The following DLG2 variants were observed in gnomAD, a reference collection of about 807,000 sequenced individuals.
DLG2 encodes discs large MAGUK scaffold protein 2.
Under a neutral mutation model 132.5 loss-of-function variants are expected in DLG2, and 45 were observed. The ratio of observed to expected loss-of-function variants is 0.34; its 90% CI spans 0.27 to 0.44. The LOEUF (loss-of-function observed/expected upper bound fraction) is 0.44. Ranked by LOEUF, DLG2 falls within the 20% of genes least tolerant of loss-of-function variation. DLG2 has a pLI of 1.00. For synonymous variants in DLG2, 424 were observed against 419.6 expected, an observed-to-expected ratio of 1.01 and a Z score of -0.13; for missense variants, 1,045 against 1,196.9, an observed-to-expected ratio of 0.87 and a Z score of 1.87.
intron 22 of DLG2, chr11:83,480,497 A>G: frequency 6.7e-7 from 1 of 1,492,464 alleles, no homozygotes; most frequent in Non-Finnish European, 9.1e-7. Context: ...ATGCAAGGCT[A>G]CCAGAAATGT....
At chr11:84,391,586 T>C (rs914544427) in intron 7 of DLG2, among the ~76,000 whole-genome samples, 1 of 152,166 alleles carries the variant, frequency 6.6e-6, no homozygotes, top group African/African-American at 2.4e-5. Flanking sequence ...TGAAAGTTAA[T>C]GAACTCCAAG....
intron 3 of DLG2, among the ~76,000 whole-genome samples, chr11:85,567,333 C>T (rs1190882439): frequency 6.6e-6 from 1 of 152,088 alleles, no homozygotes; most frequent in Non-Finnish European, 1.5e-5. Flanking sequence ...AGGTCTTTTT[C>T]ATTTATTTGA....
At chr11:84,811,732 A>T (rs1823890678) in intron 6 of DLG2, among the ~76,000 whole-genome samples, 2 of 152,184 alleles carry the variant, frequency 1.3e-5, no homozygotes, top group Non-Finnish European at 2.9e-5. Flanking sequence ...TTTAAAAAAT[A>T]TGTACTGCAT....
At chr11:83,876,302 C>T (rs2064776179) in intron 15 of DLG2, among the ~76,000 whole-genome samples, 2 of 152,034 alleles carry the variant, frequency 1.3e-5, no homozygotes, top group South Asian at 2.1e-4. Flanking sequence ...AGAGCGTGTA[C>T]TTTGAGATGT....
intron 7 of DLG2, among the ~76,000 whole-genome samples, chr11:84,502,261 T>G (rs1163044213): frequency 7.2e-5 from 4 of 55,290 alleles, no homozygotes; most frequent in Admixed American, 1.4e-4. Context: ...CTTCCTTCCT[T>G]CCTTCCTTCC....
chr11:85,010,396 G>A (rs1322208912), intron 6 of DLG2, among the ~76,000 whole-genome samples: 1 of 151,954 alleles, frequency 6.6e-6, no homozygotes, highest in Non-Finnish European at 1.5e-5. Context: ...ACCATAAATA[G>A]CACAGTTTGT....
rs144139579 is a variant in DLG2 at position 84,881,740 on chromosome 11, A to G, written c.357+229921T>C. Among the ~76,000 whole-genome samples the G allele has an allele frequency of 3.4e-3, 522 of 152,246 alleles. 2 individuals carry two copies. Among genetic ancestry groups the G allele is most frequent in the African/African-American group, 0.012 (503 of 41,544 alleles). ...ACCACCATTCAAGGCAGACTGTGAT[A>G]CTGTAATGATGCCTGGTGGAGAAAT... On this transcript the variant is annotated intron_variant, in intron 6 of 27. Transcript: ENST00000376104.
intron 4 of DLG2, among the ~76,000 whole-genome samples, chr11:85,281,970 A>G (rs575963064): frequency 1.3e-5 from 2 of 152,100 alleles, no homozygotes; most frequent in African/African-American, 4.8e-5. Flanking sequence ...GTGTCCATCA[A>G]CAGATGAATG....
At chr11:84,035,315 A>G (rs2095833469) in intron 11 of DLG2, among the ~76,000 whole-genome samples, 1 of 152,194 alleles carries the variant, frequency 6.6e-6, no homozygotes, top group African/African-American at 2.4e-5. Context: ...ATAGCAGTGA[A>G]CAAAACAAAG....
intron 16 of DLG2, among the ~76,000 whole-genome samples, chr11:83,838,512 G>A (rs577963213): frequency 5.3e-5 from 8 of 152,196 alleles, no homozygotes; most frequent in Admixed American, 3.9e-4. Flanking sequence ...TCTAGAATAC[G>A]GTATATACCA....
chr11:84,207,644 T>C (rs1056827205), intron 8 of DLG2, among the ~76,000 whole-genome samples: 16 of 152,204 alleles, frequency 1.1e-4, no homozygotes, highest in African/African-American at 3.9e-4. Flanking sequence ...TATTTTGTGA[T>C]GGATTAAAAA....
intron 3 of DLG2, among the ~76,000 whole-genome samples, chr11:85,390,800 C>T (rs113871794): frequency 1.7e-4 from 26 of 151,806 alleles, no homozygotes; most frequent in South Asian, 2.1e-4. Flanking sequence ...AGTGCTAAGA[C>T]GAAAGTTCAT....
intron 6 of DLG2, among the ~76,000 whole-genome samples, chr11:84,609,494 C>T (rs1457628725): frequency 3.3e-5 from 5 of 152,054 alleles, no homozygotes; most frequent in African/African-American, 1.2e-4. Context: ...ATAAACTGTG[C>T]TATCTGATGA....
chr11:84,928,982 G>GTATATATA lies in DLG2; in HGVS notation c.357+182671_357+182678dup, dbSNP rs58945482. Among the ~76,000 whole-genome samples the GTATATATA allele has an allele frequency of 2.2e-3, 106 of 49,102 alleles. 2 individuals carry two copies. Among genetic ancestry groups the GTATATATA allele is most frequent in the African/African-American group, 5.1e-3 (57 of 11,100 alleles). The allele number at this position is 49,102 out of a possible 152,430, so 32.2% of individuals were successfully genotyped here. Reference sequence around the variant, plus strand: ...TATGTGTGTGTGTGTGTGTGTGTGTGTATATATATATATATATATATATAT... The same window carrying GTATATATA: ...TATGTGTGTGTGTGTGTGTGTGTGTGTATATATATATATATATATATATATATATATAT... On this transcript the variant is annotated intron_variant, in intron 6 of 27. Transcript: ENST00000376104.
intron 8 of DLG2, among the ~76,000 whole-genome samples, chr11:84,184,973 GC>G: frequency 6.6e-6 from 1 of 152,160 alleles, no homozygotes; most frequent in Non-Finnish European, 1.5e-5. Flanking sequence ...GGTTACTGTA[GC>G]CTTGTAGTGT....
chr11:85,246,706 T>C (rs1037375437), intron 4 of DLG2, among the ~76,000 whole-genome samples: 1 of 152,064 alleles, frequency 6.6e-6, no homozygotes, highest in Non-Finnish European at 1.5e-5. Flanking sequence ...TTAGTAGTCA[T>C]ATAATTGCAT....
At chr11:83,716,141 T>G (rs952083602) in intron 18 of DLG2, among the ~76,000 whole-genome samples, 11 of 152,228 alleles carry the variant, frequency 7.2e-5, no homozygotes, top group Non-Finnish European at 1.6e-4. Context: ...TAAAACTCCA[T>G]GAGAGTCCTA....
At chr11:83,516,373 C>T (rs939698018) in intron 21 of DLG2, among the ~76,000 whole-genome samples, 2 of 152,070 alleles carry the variant, frequency 1.3e-5, no homozygotes, top group Admixed American at 1.3e-4. Context: ...TTTCCACTTG[C>T]TTGGTAGATC....
intron 7 of DLG2, among the ~76,000 whole-genome samples, chr11:84,480,735 T>C (rs1301172021): frequency 6.6e-6 from 1 of 151,190 alleles, no homozygotes; most frequent in African/African-American, 2.4e-5. Flanking sequence ...GCTTGTTTGG[T>C]TTTTGTTTCT....
Sources: gnomAD v4.1 joint callset for allele counts (sites outside exome capture counted in the v4.1 genomes callset) on GRCh38, gnomAD v4.1.1 for gene constraint, MANE v1.5 for transcripts, NCBI Gene and HGNC (gene_info 2026-07-23, HGNC 2026-07-21) for gene names.